The following SAMD12 variants were observed in gnomAD, a reference collection of about 807,000 sequenced individuals.
SAMD12 encodes the protein sterile alpha motif domain-containing protein 12.
In SAMD12, 9 loss-of-function variants were observed where a neutral mutation model predicts 15.0. That is an observed-to-expected ratio of 0.60 (90% confidence interval 0.36 to 1.05). SAMD12 has a LOEUF of 1.05. Ranked by LOEUF, SAMD12 falls within the 50% of genes least tolerant of loss-of-function variation. The pLI is 0.01. For missense variants in SAMD12, 230 were observed against 234.2 expected (o/e 0.98, Z 0.12); for synonymous variants, 86 against 90.1 (o/e 0.96, Z 0.25).
chr8:118,544,811 A>G (rs1468268855), intron 2 of SAMD12, among the ~76,000 whole-genome samples: 1 of 152,126 alleles, frequency 6.6e-6, no homozygotes, highest in Non-Finnish European at 1.5e-5. Context: ...CCTCCCTACA[A>G]TTTCAGAAAC....
At chr8:118,321,144 A>ATATATATATATAT (rs1816242362) in intron 4 of SAMD12, among the ~76,000 whole-genome samples, 1 of 94,508 alleles carries the variant, frequency 1.1e-5, no homozygotes, top group Non-Finnish European at 2.0e-5. Flanking sequence ...ATAGATAATA[A>ATATATATATATAT]ATATATATAT....
intron 4 of SAMD12, among the ~76,000 whole-genome samples, chr8:118,215,711 A>G (rs1013173345): frequency 1.3e-4 from 19 of 150,572 alleles, no homozygotes; most frequent in South Asian, 4.2e-4. Flanking sequence ...GAGAATATGC[A>G]GTGTTTGGTT....
intron 1 of SAMD12, among the ~76,000 whole-genome samples, chr8:118,616,031 T>G (rs1271564415): frequency 6.6e-6 from 1 of 152,118 alleles, no homozygotes; most frequent in Middle Eastern, 3.2e-3. Flanking sequence ...AACAAAGTGA[T>G]CAATAGAAAC....
chr8:118,174,787 C>G, the SAMD12 span, among the ~76,000 whole-genome samples: 4 of 152,000 alleles, frequency 2.6e-5, no homozygotes, highest in Non-Finnish European at 5.9e-5. Flanking sequence ...TCTCATCACC[C>G]AAATCCATCA....
chr8:118,572,278 G>T (rs1827032973), intron 2 of SAMD12, among the ~76,000 whole-genome samples: 1 of 152,198 alleles, frequency 6.6e-6, no homozygotes, highest in African/African-American at 2.4e-5. Flanking sequence ...ACCTGCTTTT[G>T]ATTTTACAGA....
intron 2 of SAMD12, among the ~76,000 whole-genome samples, chr8:118,475,852 A>G (rs1823944904): frequency 6.6e-6 from 1 of 152,218 alleles, no homozygotes; most frequent in South Asian, 2.1e-4. Context: ...GATGGGATCA[A>G]CAGATTAACA....
At chr8:118,528,802 T>C (rs1393930940) in intron 2 of SAMD12, among the ~76,000 whole-genome samples, 1 of 152,176 alleles carries the variant, frequency 6.6e-6, no homozygotes, top group Non-Finnish European at 1.5e-5. Flanking sequence ...ATTACCACCC[T>C]CCACTGGCCC....
intron 3 of SAMD12, among the ~76,000 whole-genome samples, chr8:118,412,190 C>T (rs915362536): frequency 2.6e-5 from 4 of 152,188 alleles, no homozygotes; most frequent in Admixed American, 2.6e-4. Context: ...AGAATTAACA[C>T]AGACCTGTGT....
At chr8:118,524,225 G>A (rs1036743051) in intron 2 of SAMD12, among the ~76,000 whole-genome samples, 2 of 152,050 alleles carry the variant, frequency 1.3e-5, no homozygotes, top group African/African-American at 4.8e-5. Context: ...CCACTCCACT[G>A]AGAGAGCTCT....
At chr8:118,211,987 T>C (rs1286352981) in intron 4 of SAMD12, among the ~76,000 whole-genome samples, 3 of 152,136 alleles carry the variant, frequency 2.0e-5, no homozygotes, top group Non-Finnish European at 4.4e-5. Flanking sequence ...GTCAAGTTGT[T>C]TAAGTTCTAT....
intron 3 of SAMD12, among the ~76,000 whole-genome samples, chr8:118,438,517 C>T (rs1822640584): frequency 6.6e-6 from 1 of 151,934 alleles, no homozygotes; most frequent in Non-Finnish European, 1.5e-5. Flanking sequence ...GGTTCACGCA[C>T]CCGCCTCTAC....
chr8:118,520,778 T>A (rs577948603), intron 2 of SAMD12, among the ~76,000 whole-genome samples: 1 of 152,276 alleles, frequency 6.6e-6, no homozygotes, highest in East Asian at 1.9e-4. Flanking sequence ...CTGTTTCCTA[T>A]ACAAACTTTT....
intron 2 of SAMD12, among the ~76,000 whole-genome samples, chr8:118,498,416 G>A (rs1422885084): frequency 6.6e-6 from 1 of 152,220 alleles, no homozygotes; most frequent in African/African-American, 2.4e-5. Flanking sequence ...GGCATGTTAT[G>A]CCTGTAGCAT....
chr8:118,385,668 CCT>C (rs1382012658), intron 3 of SAMD12, among the ~76,000 whole-genome samples: 1 of 152,106 alleles, frequency 6.6e-6, no homozygotes, highest in Non-Finnish European at 1.5e-5. Context: ...TGTCAGGTGC[CCT>C]GTTACCCCCA....
At chr8:118,280,239 T>C (rs573628008) in intron 4 of SAMD12, among the ~76,000 whole-genome samples, 1 of 152,346 alleles carries the variant, frequency 6.6e-6, no homozygotes, top group South Asian at 2.1e-4. Flanking sequence ...TCCTTGTTCT[T>C]AGTCAAAATA....
At chr8:118,241,138 A>C (rs1241295054) in intron 4 of SAMD12, among the ~76,000 whole-genome samples, 1 of 152,160 alleles carries the variant, frequency 6.6e-6, no homozygotes, top group African/African-American at 2.4e-5. Flanking sequence ...CCGAGGTCAA[A>C]GTTAACTACA....
chr8:118,165,642 A>ATATATG, the SAMD12 span, among the ~76,000 whole-genome samples: 1 of 146,668 alleles, frequency 6.8e-6, no homozygotes, highest in African/African-American at 2.5e-5. Context: ...ATATACATAT[A>ATATATG]TATATATAAA....
At chr8:118,308,548 C>T (rs1485837331) in intron 4 of SAMD12, among the ~76,000 whole-genome samples, 1 of 152,148 alleles carries the variant, frequency 6.6e-6, no homozygotes, top group Non-Finnish European at 1.5e-5. Flanking sequence ...AATACTCACT[C>T]CTTCTACCAG....
At chr8:118,140,874 A>G in the SAMD12 span, among the ~76,000 whole-genome samples, 1 of 152,158 alleles carries the variant, frequency 6.6e-6, no homozygotes, top group Non-Finnish European at 1.5e-5. Flanking sequence ...TTCATAATAC[A>G]GAAGAACCCT....
Sources: allele counts gnomAD v4.1 joint callset (sites outside exome capture counted in the v4.1 genomes callset), GRCh38; gene constraint gnomAD v4.1.1; transcripts MANE v1.5; gene names NCBI Gene and HGNC (gene_info 2026-07-23, HGNC 2026-07-21).